Variants in BRD4 observed in about 807,000 individuals in gnomAD.
BRD4 encodes the protein bromodomain containing 4.
BRD4 carries 16 observed loss-of-function variants against 142.1 expected under a neutral mutation model. That is an observed-to-expected ratio of 0.11 (90% CI 0.08 to 0.17). The LOEUF (loss-of-function observed/expected upper bound fraction) is 0.17. BRD4 is among the 10% of genes least tolerant of loss of function. The probability of loss-of-function intolerance (pLI) is 1.00; values close to 1 mark genes in which losing one functional copy is unlikely to be tolerated. For synonymous variants in BRD4, 833 were observed against 707.5 expected (o/e 1.18, Z -2.82); for missense variants, 1,424 against 1,810.9 (o/e 0.79, Z 3.88).
At chr19:15,253,740 C>CG in intron 11 of BRD4, 1 of 1,598,392 alleles carries the variant, frequency 6.3e-7, no homozygotes, top group South Asian at 1.1e-5. Flanking sequence ...GACTGTGATA[C>CG]GGGGAAGGCC....
chr19:15,330,455 C>T (rs936241416), intron 1 of BRD4, among the ~76,000 whole-genome samples: 1 of 152,042 alleles, frequency 6.6e-6, no homozygotes, highest in African/African-American at 2.4e-5. Context: ...CAAATTAAAC[C>T]GAAATAAATG....
chr19:15,244,173 A>T, intron 13 of BRD4, 58 bp downstream of exon 13: 1 of 1,535,284 alleles, frequency 6.5e-7, no homozygotes, highest in Non-Finnish European at 8.7e-7. Context: ...CGGACACCAC[A>T]TGGGTAAACC....
At chr19:15,297,683 T>C (rs2047834980) in intron 1 of BRD4, among the ~76,000 whole-genome samples, 2 of 152,178 alleles carry the variant, frequency 1.3e-5, no homozygotes, top group African/African-American at 4.8e-5. Flanking sequence ...TCAGGTTTAG[T>C]GGGAGATGCC....
At position 15,240,056 on chromosome 19, in the gene BRD4, TG is replaced by T. The variant is rs759824399; in HGVS notation, c.3170-35del. On this transcript the variant is annotated intron_variant, in intron 14 of 19. Coordinates refer to ENST00000679869, the MANE Select transcript of BRD4 (RefSeq NM_001379291.1). ...AGGGACAAGGAATGTGTCAAGGGGC[TG>T]GCTTAGAACTGCTGGCCCTGAGAGA... 2.5e-6 allele frequency: 4 copies of T among 1,586,368 alleles called. No homozygotes were observed. In the African/African-American group the frequency reaches 5.4e-5, roughly 21 times the overall value.
chr19:15,275,360 C>T (rs1188474798), intron 1 of BRD4, among the ~76,000 whole-genome samples: 8 of 152,294 alleles, frequency 5.3e-5, no homozygotes, highest in Non-Finnish European at 1.5e-5. Context: ...CCCCACTTTA[C>T]AGATAGGGAA....
rs1196010437 is a variant in BRD4, at chr19:15,265,428, G to A, written c.775C>T (p.Pro259Ser). The A allele has an allele frequency of 1.9e-6, 3 of 1,562,526 alleles. No individual in the cohort carries two copies. Among genetic ancestry groups the A allele is most frequent in the Non-Finnish European group, 2.6e-6 (3 of 1,153,318 alleles). The change falls in exon 5 of 20, where the codon CCC (proline) becomes TCC (serine). Residue 259 changes from proline to serine, a missense_variant. Coordinates refer to ENST00000679869, the MANE Select transcript of BRD4 (RefSeq NM_001379291.1). ...GGCTGGGGAGCTGGAGCGGGTGGGG[G>A]TTGTGGCTGGGGGGGCACTGGCGGG... is the stretch of plus-strand genomic sequence containing the variant. ...TPPPVPPQPQ[P>S]PPAPAPQPVQ...
chr19:15,311,983 T>A lies in BRD4; in HGVS notation c.-35+20307A>T, dbSNP rs572318223. 5.5e-4 allele frequency among the ~76,000 whole-genome samples: 84 copies of A among 152,312 alleles called. 1 individual carries two copies. The South Asian group carries it at 0.017, about 31-fold the overall frequency. The stretch of plus-strand genomic sequence containing the variant: ...AGTGTCAGCTTTGCAAGATGAAAAC[T>A]TTCTAGTGATCTGCTGCACGACAAT... On this transcript the variant is annotated intron_variant, in intron 1 of 19. Transcript: ENST00000679869.
At chr19:15,252,791 C>T (rs902340045) in intron 11 of BRD4, among the ~76,000 whole-genome samples, 2 of 152,178 alleles carry the variant, frequency 1.3e-5, no homozygotes, top group African/African-American at 4.8e-5. Context: ...CTTCAGCCCA[C>T]TTCAAGGCAA....
chr19:15,268,448 G>A (rs191770944), intron 3 of BRD4, among the ~76,000 whole-genome samples: 1 of 152,158 alleles, frequency 6.6e-6, no homozygotes, highest in Non-Finnish European at 1.5e-5. Flanking sequence ...CACCCACAGA[G>A]CAACTGAGCT....
intron 1 of BRD4, among the ~76,000 whole-genome samples, chr19:15,331,276 G>T (rs925443929): frequency 2.0e-5 from 3 of 152,220 alleles, no homozygotes; most frequent in Non-Finnish European, 4.4e-5. Context: ...ACAGAGTGGG[G>T]TTTCCCATCT....
intron 11 of BRD4, among the ~76,000 whole-genome samples, chr19:15,250,774 AAGCT>A (rs1215842545): frequency 6.6e-6 from 1 of 152,174 alleles, no homozygotes; most frequent in Non-Finnish European, 1.5e-5. Flanking sequence ...TGACAAGTGA[AAGCT>A]AGAAGATTCC....
intron 1 of BRD4, among the ~76,000 whole-genome samples, chr19:15,330,366 G>A (rs1374815731): frequency 1.3e-5 from 2 of 152,180 alleles, no homozygotes; most frequent in Non-Finnish European, 1.5e-5. Flanking sequence ...TTCCCTGGCT[G>A]AAGTTTTTGG....
In BRD4 at chr19:15,297,120, ACGTTTAAAAGTT is replaced by A. The variant is rs1475079158; in HGVS notation, c.-34-23999_-34-23988del. On this transcript the variant is annotated intron_variant, in intron 1 of 19. Coordinates refer to ENST00000679869, the MANE Select transcript of BRD4 (RefSeq NM_001379291.1). ...AGCCAGCATAGCTTCTAACAGATAG[ACGTTTAAAAGTT>A]CCTTCCCCTTTGACACACAAAGTCA... Among the ~76,000 whole-genome samples the A allele has an allele frequency of 1.1e-4, 17 of 152,370 alleles. No homozygotes were observed. In the East Asian group the frequency reaches 2.3e-3, roughly 21 times the overall value.
At chr19:15,316,579 C>T (rs2048020200) in intron 1 of BRD4, among the ~76,000 whole-genome samples, 1 of 151,484 alleles carries the variant, frequency 6.6e-6, no homozygotes, top group Non-Finnish European at 1.5e-5. Flanking sequence ...CAACAAGAGC[C>T]AAACTCCATC....
intron 7 of BRD4, among the ~76,000 whole-genome samples, chr19:15,261,268 T>C (rs905161610): frequency 1.3e-5 from 2 of 152,038 alleles, no homozygotes; most frequent in African/African-American, 2.4e-5. Context: ...AGGCAGATCA[T>C]GAGGTCAGAA....
chr19:15,286,293 G>T (rs2047739507), intron 1 of BRD4, among the ~76,000 whole-genome samples: 1 of 152,176 alleles, frequency 6.6e-6, no homozygotes, highest in Non-Finnish European at 1.5e-5. Flanking sequence ...GCTGCAGCAA[G>T]ACCATAATCA....
rs762451591 is a variant in BRD4, at chr19:15,273,038, A to G, written c.62T>C (p.Leu21Pro). 14 of 1,613,264 alleles carry G rather than the reference A, an allele frequency of 8.7e-6. No homozygotes were observed. Among genetic ancestry groups the G allele is most frequent in the Non-Finnish European group, 1.1e-5 (13 of 1,179,348 alleles). The part of the protein sequence containing the change: ...LRNLPVMGDG[L>P]ETSQMSTTQA... Reference sequence around the variant, plus strand: ...TGTTGTAGACATTTGGGAAGTTTCTAGTCCATCCCCCATTACTGGCAGATT... The same window carrying G: ...TGTTGTAGACATTTGGGAAGTTTCTGGTCCATCCCCCATTACTGGCAGATT... Residue 21 changes from leucine to proline, a missense_variant, in exon 2 of 20, where the codon CTA (leucine) becomes CCA (proline). Physicochemically the swap from Leu to Pro is moderately conservative, Grantham distance 98. Around this residue, in one of 16 missense-constraint regions of BRD4, gnomAD observed 70 missense variants for 69.8 expected, o/e 1.00. Coordinates refer to ENST00000679869, the MANE Select transcript of BRD4 (RefSeq NM_001379291.1).
In BRD4 at chr19:15,265,393, G is replaced by A. The variant is rs2145602885; in HGVS notation, c.810C>T (p.Ser270=). 6.5e-7 allele frequency: 1 copy of A among 1,529,738 alleles called. No individual in the cohort carries two copies. Among genetic ancestry groups the A allele is most frequent in the Non-Finnish European group, 8.8e-7 (1 of 1,140,250 alleles). 94.8% of individuals were successfully genotyped at this position (1,529,738 alleles called of 1,614,324 possible). The change falls in exon 5 of 20, where the codon AGC becomes AGT. Residue 270 remains serine, a synonymous_variant. Transcript: ENST00000679869. ...PPAPAPQPVQ[S]HPPIIAATPQ... The stretch of plus-strand genomic sequence containing the variant: ...GGGTGGCCGCGATGATGGGTGGGTG[G>A]CTCTGTACGGGCTGGGGAGCTGGAG...
chr19:15,298,849 AG>A (rs1427933658), intron 1 of BRD4, among the ~76,000 whole-genome samples: 1 of 152,128 alleles, frequency 6.6e-6, no homozygotes, highest in East Asian at 1.9e-4. Flanking sequence ...TAAGACCCAA[AG>A]AAAGAAAACA....
Sources: allele counts gnomAD v4.1 joint callset (sites outside exome capture counted in the v4.1 genomes callset), GRCh38; gene constraint gnomAD v4.1.1; regional missense constraint gnomAD v4.1.1; transcripts MANE v1.5; gene names NCBI Gene and HGNC (gene_info 2026-07-23, HGNC 2026-07-21).